Variants in TYR observed in about 807,000 individuals in gnomAD.
The protein encoded by TYR is tyrosinase, also known as LB24-AB.
Under a neutral mutation model 51.5 loss-of-function variants are expected in TYR, and 58 were observed. The ratio of observed to expected loss-of-function variants is 1.13; its 90% CI spans 0.91 to 1.40. The LOEUF is 1.40. Among genes scored for constraint, TYR ranks in the 40% most tolerant of loss-of-function variants. TYR has a pLI of 0.00. For missense variants in TYR, 732 were observed against 647.4 expected, an observed-to-expected ratio of 1.13 and a Z score of -1.42; for synonymous variants, 263 against 235.2, an observed-to-expected ratio of 1.12 and a Z score of -1.08.
chr11:89,196,754 G>A (rs1281466746), intron 2 of TYR, among the ~76,000 whole-genome samples: 2 of 152,132 alleles, frequency 1.3e-5, no homozygotes, highest in African/African-American at 4.8e-5. Context: ...ACTATGCTAA[G>A]ATGCCCATTG....
intron 3 of TYR, among the ~76,000 whole-genome samples, chr11:89,270,272 C>T (rs1473047874): frequency 6.6e-6 from 1 of 151,730 alleles, no homozygotes; most frequent in East Asian, 2.0e-4. Flanking sequence ...ATTACTTTGC[C>T]TAGATCTCTG....
chr11:89,286,314 C>T (rs1441913879), intron 4 of TYR, among the ~76,000 whole-genome samples: 7 of 151,856 alleles, frequency 4.6e-5, no homozygotes, highest in African/African-American at 9.7e-5. Flanking sequence ...CTGAATTATT[C>T]TATTTGAGTA....
At chr11:89,181,214 C>T (rs1347084212) in intron 1 of TYR, among the ~76,000 whole-genome samples, 1 of 152,148 alleles carries the variant, frequency 6.6e-6, no homozygotes, top group Non-Finnish European at 1.5e-5. Flanking sequence ...TGGGGTTTCA[C>T]CCTGTTGGCC....
chr11:89,259,998 A>T (rs1944437999), intron 3 of TYR, among the ~76,000 whole-genome samples: 2 of 152,076 alleles, frequency 1.3e-5, no homozygotes, highest in African/African-American at 2.4e-5. Flanking sequence ...GTAACTTTGG[A>T]CATGTTATTT....
Position 89,251,858 on chromosome 11 carries a change from A to G in TYR, c.1184+23888A>G, listed in dbSNP as rs556959515. Among the ~76,000 whole-genome samples the G allele has an allele frequency of 3.9e-5, 6 of 151,970 alleles. No homozygotes were observed. In the South Asian group the frequency reaches 6.2e-4, roughly 16 times the overall value. On this transcript the variant is annotated intron_variant, in intron 3 of 4. Transcript: ENST00000263321. ...TGAGGTGCCTTGATGCTAATCAGAC[A>G]GTTGCTCATATCAGTTAAATCATTG...
intron 3 of TYR, among the ~76,000 whole-genome samples, chr11:89,241,859 A>T (rs1400804632): frequency 6.7e-6 from 1 of 148,982 alleles, no homozygotes; most frequent in Non-Finnish European, 1.5e-5. Context: ...TATAATAGTG[A>T]AATTGTCTCA....
intron 2 of TYR, among the ~76,000 whole-genome samples, chr11:89,205,350 T>C (rs1445490157): frequency 2.0e-5 from 3 of 152,078 alleles, no homozygotes; most frequent in Non-Finnish European, 4.4e-5. Flanking sequence ...CTCAATGAAA[T>C]AGTGACTGAA....
chr11:89,264,088 G>A (rs929186451), intron 3 of TYR, among the ~76,000 whole-genome samples: 5 of 152,106 alleles, frequency 3.3e-5, no homozygotes, highest in African/African-American at 1.2e-4. Context: ...GACTTTAAGT[G>A]GGGGAGTATT....
At chr11:89,260,976 A>G (rs1172741626) in intron 3 of TYR, among the ~76,000 whole-genome samples, 4 of 152,104 alleles carry the variant, frequency 2.6e-5, no homozygotes, top group African/African-American at 7.2e-5. Flanking sequence ...TAGGTTGCAC[A>G]TTCCTTATGA....
intron 3 of TYR, among the ~76,000 whole-genome samples, chr11:89,255,314 G>T (rs1944376803): frequency 1.3e-5 from 2 of 151,666 alleles, no homozygotes; most frequent in Admixed American, 1.3e-4. Flanking sequence ...AGTTCTGTAA[G>T]TATCTCTTAA....
intron 2 of TYR, among the ~76,000 whole-genome samples, chr11:89,197,739 G>A (rs12789914): frequency 0.21 from 31,669 of 151,928 alleles, 4,109 homozygotes; most frequent in Non-Finnish European, 0.29. Context: ...CTCGGTGACT[G>A]ACTGTAAGGC....
At chr11:89,278,103 G>T (rs1393292649) in intron 3 of TYR, among the ~76,000 whole-genome samples, 2 of 151,502 alleles carry the variant, frequency 1.3e-5, no homozygotes, top group Non-Finnish European at 3.0e-5. Flanking sequence ...TGAATTTGTC[G>T]CATACTTCCA....
At chr11:89,247,172 T>C (rs1364243095) in intron 3 of TYR, among the ~76,000 whole-genome samples, 5 of 152,224 alleles carry the variant, frequency 3.3e-5, no homozygotes, top group Non-Finnish European at 7.3e-5. Flanking sequence ...TTAGCTCTTA[T>C]ACCACTCTGT....
intron 3 of TYR, 110 bp from the exon 4 acceptor site, chr11:89,284,663 C>A: frequency 1.0e-6 from 1 of 968,694 alleles, no homozygotes; most frequent in Non-Finnish European, 1.6e-6. Context: ...TATTCAACAT[C>A]TTTCCATGTC....
intron 3 of TYR, among the ~76,000 whole-genome samples, chr11:89,252,257 C>T (rs1035145707): frequency 6.6e-5 from 10 of 151,680 alleles, no homozygotes; most frequent in Non-Finnish European, 1.0e-4. Context: ...ATTTTACATG[C>T]ATATCTATCT....
intron 3 of TYR, among the ~76,000 whole-genome samples, chr11:89,276,485 C>T (rs1590895686): frequency 2.0e-5 from 3 of 151,830 alleles, no homozygotes; most frequent in African/African-American, 7.2e-5. Context: ...ACTTTGTTCA[C>T]TACTTTCTCT....
intron 2 of TYR, among the ~76,000 whole-genome samples, chr11:89,193,824 A>C (rs1252827359): frequency 2.6e-5 from 4 of 152,186 alleles, no homozygotes; most frequent in African/African-American, 7.2e-5. Context: ...CAATACAAAA[A>C]ACATGAATAT....
intron 2 of TYR, among the ~76,000 whole-genome samples, chr11:89,199,666 C>A (rs1032165638): frequency 6.6e-6 from 1 of 152,194 alleles, no homozygotes; most frequent in Non-Finnish European, 1.5e-5. Context: ...TTATGTACAT[C>A]TAGCTCCTAT....
intron 4 of TYR, among the ~76,000 whole-genome samples, chr11:89,290,127 T>C (rs1944839197): frequency 6.6e-6 from 1 of 152,090 alleles, no homozygotes; most frequent in Non-Finnish European, 1.5e-5. Context: ...TCTACATAAT[T>C]ATTCTGAAAA....
Sources: allele counts gnomAD v4.1 joint callset (sites outside exome capture counted in the v4.1 genomes callset), GRCh38; gene constraint gnomAD v4.1.1; transcripts MANE v1.5; gene names NCBI Gene and HGNC (gene_info 2026-07-23, HGNC 2026-07-21).